Variants in CLASP2 observed in about 807,000 individuals in gnomAD.
The protein encoded by CLASP2 is cytoplasmic linker associated protein 2.
CLASP2 carries 47 observed loss-of-function variants against 194.4 expected under a neutral mutation model. The ratio of observed to expected loss-of-function variants is 0.24; its 90% CI spans 0.19 to 0.31. The LOEUF (loss-of-function observed/expected upper bound fraction) is 0.31, where lower values mean the gene tolerates loss of function less well. Ranked by LOEUF, CLASP2 falls within the 10% of genes least tolerant of loss-of-function variation. CLASP2 has a pLI of 1.00. For synonymous variants in CLASP2, 619 were observed against 633.5 expected (o/e 0.98, Z 0.34); for missense variants, 1,445 against 1,823.6 (o/e 0.79, Z 3.78).
chr3:33,580,786 C>G (rs370839427), intron 23 of CLASP2, among the ~76,000 whole-genome samples: 1 of 151,746 alleles, frequency 6.6e-6, no homozygotes, highest in Non-Finnish European at 1.5e-5. Context: ...GGGGCCGAGG[C>G]GGGCGGATCA....
chr3:33,689,657 C>G (rs2091119469), intron 3 of CLASP2, 172 bp downstream of exon 3: 1 of 451,416 alleles, frequency 2.2e-6, no homozygotes, highest in South Asian at 5.4e-5. Flanking sequence ...AAATAAGAAT[C>G]AGAAGCAAAA....
intron 6 of CLASP2, among the ~76,000 whole-genome samples, chr3:33,678,380 G>GA (rs572464078): frequency 1.3e-5 from 2 of 151,850 alleles, no homozygotes; most frequent in African/African-American, 4.8e-5. Context: ...ACCAGAGGGG[G>GA]AAAAAAACAC....
At position 33,568,553 on chromosome 3, in the gene CLASP2, C is replaced by CAAAAAAAAAAAAAAAAAAA. The variant is rs568821764; in HGVS notation, c.2764-1838_2764-1820dup. On this transcript the variant is annotated intron_variant, in intron 26 of 38. Coordinates refer to ENST00000682230, the MANE Select transcript of CLASP2 (RefSeq NM_001365631.1). ...TGGGTGACAGAAAGAGATCTTGTCTCAAAAAAAAAAAAAAAAAAAAAATTA... is the reference window on the plus strand; with the variant it reads ...TGGGTGACAGAAAGAGATCTTGTCTCAAAAAAAAAAAAAAAAAAAAAAAAAAAAAAAAAAAAAAAAATTA... 4.4e-3 allele frequency among the ~76,000 whole-genome samples: 248 copies of CAAAAAAAAAAAAAAAAAAA among 56,782 alleles called. 13 individuals carry two copies. Among genetic ancestry groups the CAAAAAAAAAAAAAAAAAAA allele is most frequent in the African/African-American group, 6.9e-3 (91 of 13,126 alleles). 37.3% of individuals were successfully genotyped at this position (56,782 alleles called of 152,430 possible). A position where few individuals can be genotyped will look rare whatever the true frequency, so the allele number is the denominator to read the frequency against.
intron 28 of CLASP2, 121 bp from the exon 29 acceptor site, chr3:33,559,506 T>C (rs2061461138): frequency 4.7e-6 from 3 of 644,758 alleles, no homozygotes; most frequent in Non-Finnish European, 8.2e-6. Flanking sequence ...TGAAGTAGTA[T>C]CTGCATGTGG....
chr3:33,519,549 G>C (rs1237129629), intron 34 of CLASP2, among the ~76,000 whole-genome samples: 3 of 151,970 alleles, frequency 2.0e-5, no homozygotes, highest in Non-Finnish European at 4.4e-5. Context: ...AACAGAAATA[G>C]AGAACAATTT....
intron 1 of CLASP2, among the ~76,000 whole-genome samples, chr3:33,705,245 CAT>C (rs1172003733): frequency 1.3e-5 from 2 of 152,262 alleles, no homozygotes; most frequent in East Asian, 1.9e-4. Context: ...CATGCTATAA[CAT>C]AGATTAACCT....
At chr3:33,574,582 T>G in intron 24 of CLASP2, 2 of 711,256 alleles carry the variant, frequency 2.8e-6, no homozygotes, top group South Asian at 3.6e-5. Context: ...GCATTAACAA[T>G]GCCTATGATC....
chr3:33,511,173 C>T lies in CLASP2; in HGVS notation c.4111-409G>A, dbSNP rs138525123. Among the ~76,000 whole-genome samples the T allele has an allele frequency of 1.9e-3, 284 of 151,944 alleles. 2 individuals carry two copies. Among genetic ancestry groups the T allele is most frequent in the African/African-American group, 6.3e-3 (262 of 41,426 alleles). ...TCAGCCTTCTGAGTAGTTGGAACTA[C>T]AGGCATGCACCATCATGCCCGGCTA... On this transcript the variant is annotated intron_variant, in intron 36 of 38. Transcript: ENST00000682230.
At chr3:33,604,090 G>C (rs1287827393) in intron 17 of CLASP2, 64 bp downstream of exon 17, 4 of 1,220,670 alleles carry the variant, frequency 3.3e-6, no homozygotes, top group Non-Finnish European at 4.7e-6. Flanking sequence ...CACATCAAAA[G>C]AGTTTGAAGG....
chr3:33,613,619 T>C (rs1357311468), intron 12 of CLASP2, among the ~76,000 whole-genome samples: 1 of 152,252 alleles, frequency 6.6e-6, no homozygotes, highest in African/African-American at 2.4e-5. Flanking sequence ...CTTGAAGCTG[T>C]TGAAGATGAG....
At chr3:33,552,308 G>A (rs557028344) in intron 29 of CLASP2, among the ~76,000 whole-genome samples, 3 of 151,988 alleles carry the variant, frequency 2.0e-5, no homozygotes, top group South Asian at 4.2e-4. Context: ...TAGTAGAGAC[G>A]AGGTTTCACC....
chr3:33,606,814 A>T (rs2073953449), intron 15 of CLASP2, 56 bp from the exon 16 acceptor site: 3 of 1,276,336 alleles, frequency 2.4e-6, no homozygotes, highest in Non-Finnish European at 2.2e-6. Context: ...TTAGACATTA[A>T]CAGTAACGTG....
chr3:33,698,112 G>C (rs2092089314), intron 1 of CLASP2, among the ~76,000 whole-genome samples: 1 of 152,164 alleles, frequency 6.6e-6, no homozygotes, highest in East Asian at 1.9e-4. Context: ...AGTCCTGGGG[G>C]AAGGAAACCG....
intron 6 of CLASP2, among the ~76,000 whole-genome samples, chr3:33,678,951 A>G (rs966182587): frequency 6.6e-6 from 1 of 152,222 alleles, no homozygotes; most frequent in Non-Finnish European, 1.5e-5. Context: ...CAAAAGATCT[A>G]GAATAGCTAA....
At chr3:33,716,182 G>A (rs1226225952) in intron 1 of CLASP2, among the ~76,000 whole-genome samples, 2 of 152,166 alleles carry the variant, frequency 1.3e-5, no homozygotes, top group African/African-American at 4.8e-5. Flanking sequence ...CAGGTGGTGG[G>A]AGACTATGGC....
intron 32 of CLASP2, 70 bp from the exon 33 acceptor site, chr3:33,539,012 T>C (rs980580086): frequency 8.2e-6 from 9 of 1,097,954 alleles, no homozygotes; most frequent in Non-Finnish European, 1.1e-5. Flanking sequence ...GAGGAGATTA[T>C]ATAAGGATAT....
chr3:33,529,728 T>C (rs1338663653), intron 34 of CLASP2, among the ~76,000 whole-genome samples: 1 of 152,114 alleles, frequency 6.6e-6, no homozygotes, highest in Non-Finnish European at 1.5e-5. Context: ...ACGCCTGTAA[T>C]CCCAGCACTT....
chr3:33,714,556 C>CA (rs1363654104), intron 1 of CLASP2, among the ~76,000 whole-genome samples: 1 of 152,180 alleles, frequency 6.6e-6, no homozygotes, highest in Non-Finnish European at 1.5e-5. Context: ...TTTCAACCCT[C>CA]AAACCCAATC....
chr3:33,554,385 G>A (rs901797844), intron 29 of CLASP2, among the ~76,000 whole-genome samples: 14 of 152,146 alleles, frequency 9.2e-5, no homozygotes, highest in Non-Finnish European at 1.8e-4. Context: ...GGACAATACC[G>A]TAAGTGAAAT....
Sources: gnomAD v4.1 joint callset for allele counts (sites outside exome capture counted in the v4.1 genomes callset) on GRCh38, gnomAD v4.1.1 for gene constraint, MANE v1.5 for transcripts, NCBI Gene and HGNC (gene_info 2026-07-23, HGNC 2026-07-21) for gene names.